The following LRP2 variants were observed in gnomAD, a reference collection of about 807,000 sequenced individuals.
LRP2 encodes the protein LDL receptor related protein 2.
LRP2 carries 172 observed loss-of-function variants against 531.0 expected under a neutral mutation model. That is an observed-to-expected ratio of 0.32 (90% CI 0.29 to 0.37). LRP2 has a LOEUF of 0.37. Among genes scored for constraint, LRP2 ranks in the 10% least tolerant of loss-of-function variants. LRP2 has a pLI of 1.00. For synonymous variants in LRP2, 1,992 were observed against 2,027.6 expected (o/e 0.98, Z 0.47); for missense variants, 5,167 against 5,868.3 (o/e 0.88, Z 3.90).
chr2:169,225,560 C>G, intron 32 of LRP2, 107 bp from the exon 33 acceptor site: 1 of 1,308,416 alleles, frequency 7.6e-7, no homozygotes, highest in Non-Finnish European at 1.1e-6. Flanking sequence ...CTTGAACAGT[C>G]CTTACACTCA....
Position 169,240,981 on chromosome 2 carries a change from A to G in LRP2, c.4045+7T>C. On this transcript the variant is annotated splice_region_variant and intron_variant, in intron 25 of 78. Coordinates refer to ENST00000649046, the MANE Select transcript of LRP2 (RefSeq NM_004525.3). ...TATGGCCAGTAAACTGTGGTCAGGA[A>G]ACTTACTGCAAAGTGGGGACTCATC... 2 of 1,611,286 alleles carry G rather than the reference A, an allele frequency of 1.2e-6. No homozygotes were observed. Among genetic ancestry groups the G allele is most frequent in the East Asian group, 4.5e-5 (2 of 44,884 alleles).
chr2:169,176,282 T>C, intron 54 of LRP2, 129 bp downstream of exon 54: 1 of 991,046 alleles, frequency 1.0e-6, no homozygotes, highest in Non-Finnish European at 1.6e-6. Context: ...TCTTGCTGTG[T>C]TCCACATGAA....
intron 14 of LRP2, among the ~76,000 whole-genome samples, chr2:169,274,626 A>G (rs755715595): frequency 1.3e-5 from 2 of 152,136 alleles, no homozygotes; most frequent in Non-Finnish European, 2.9e-5. Flanking sequence ...ATGCTACCGA[A>G]AATGGACACT....
intron 27 of LRP2, 122 bp downstream of exon 27, chr2:169,237,969 G>A (rs758081549): frequency 2.5e-6 from 2 of 803,426 alleles, no homozygotes; most frequent in Non-Finnish European, 4.3e-6. Flanking sequence ...GTATGATGTG[G>A]CCCAGAAGGT....
intron 11 of LRP2, among the ~76,000 whole-genome samples, chr2:169,280,064 C>T (rs1312966056): frequency 6.6e-6 from 1 of 152,202 alleles, no homozygotes; most frequent in African/African-American, 2.4e-5. Flanking sequence ...TACCAAATAT[C>T]TATCCAGTTT....
intron 57 of LRP2, among the ~76,000 whole-genome samples, chr2:169,172,878 G>T (rs1430226765): frequency 6.6e-6 from 1 of 152,146 alleles, no homozygotes; most frequent in East Asian, 1.9e-4. Flanking sequence ...CTTCCTCAAT[G>T]ACAGCATGAC....
chr2:169,275,404 C>G, intron 13 of LRP2, 166 bp from the exon 14 acceptor site: 1 of 626,900 alleles, frequency 1.6e-6, no homozygotes, highest in South Asian at 1.9e-5. Context: ...TTTCCATCTA[C>G]ATATGATAGA....
At chr2:169,218,293 T>TC (rs1688867486) in intron 34 of LRP2, among the ~76,000 whole-genome samples, 1 of 152,134 alleles carries the variant, frequency 6.6e-6, no homozygotes, top group South Asian at 2.1e-4. Context: ...CTCTTGACCT[T>TC]CCATCCTTCA....
chr2:169,306,090 T>A (rs184876327), intron 4 of LRP2, among the ~76,000 whole-genome samples: 1 of 152,078 alleles, frequency 6.6e-6, no homozygotes, highest in Non-Finnish European at 1.5e-5. Flanking sequence ...TATATCTTTA[T>A]ACAGCACATA....
intron 44 of LRP2, among the ~76,000 whole-genome samples, chr2:169,199,838 T>C (rs1228212434): frequency 2.0e-5 from 3 of 152,298 alleles, no homozygotes; most frequent in South Asian, 2.1e-4. Context: ...GAAATTACTA[T>C]ATAATAAAAC....
At chr2:169,344,770 A>G (rs991659608) in intron 1 of LRP2, among the ~76,000 whole-genome samples, 2 of 152,146 alleles carry the variant, frequency 1.3e-5, no homozygotes, top group African/African-American at 2.4e-5. Context: ...CCCACCCCCA[A>G]CTACTGCTCT....
At chr2:169,279,174 T>G (rs999982187) in intron 12 of LRP2, among the ~76,000 whole-genome samples, 198 bp downstream of exon 12, 1 of 152,200 alleles carries the variant, frequency 6.6e-6, no homozygotes, top group Non-Finnish European at 1.5e-5. Flanking sequence ...TTGGGTAACA[T>G]GTCCTCAAAT....
intron 7 of LRP2, 109 bp from the exon 8 acceptor site, chr2:169,291,106 T>A: frequency 1.1e-6 from 1 of 919,186 alleles, no homozygotes; most frequent in Non-Finnish European, 1.7e-6. Flanking sequence ...GAGAAATCTA[T>A]AAATGATCTA....
intron 9 of LRP2, among the ~76,000 whole-genome samples, chr2:169,285,955 G>A (rs970244965): frequency 9.9e-5 from 15 of 152,266 alleles, no homozygotes; most frequent in South Asian, 2.1e-4. Context: ...TGTGTAATGC[G>A]TCAGCCATGC....
At chr2:169,301,084 A>T (rs1684274756) in intron 4 of LRP2, among the ~76,000 whole-genome samples, 1 of 152,184 alleles carries the variant, frequency 6.6e-6, no homozygotes, top group South Asian at 2.1e-4. Context: ...CCTTCATTGT[A>T]ACAGGGATTT....
At chr2:169,330,636 A>G (rs1010165505) in intron 1 of LRP2, among the ~76,000 whole-genome samples, 4 of 152,188 alleles carry the variant, frequency 2.6e-5, no homozygotes, top group African/African-American at 9.7e-5. Context: ...ATCTTGCAGA[A>G]CTGTCCTGGT....
intron 72 of LRP2, among the ~76,000 whole-genome samples, chr2:169,140,006 ATCT>A (rs375572969): frequency 2.0e-5 from 3 of 152,218 alleles, no homozygotes; most frequent in African/African-American, 4.8e-5. Flanking sequence ...CAACACAGTC[ATCT>A]TCTTTCCGAA....
At chr2:169,208,081 A>G (rs1688459441) in intron 38 of LRP2, among the ~76,000 whole-genome samples, 1 of 152,186 alleles carries the variant, frequency 6.6e-6, no homozygotes, top group South Asian at 2.1e-4. Flanking sequence ...CCTTTAATCC[A>G]GGGTTGGCAA....
chr2:169,147,870 T>C (rs140727292), intron 68 of LRP2, among the ~76,000 whole-genome samples: 66 of 152,202 alleles, frequency 4.3e-4, no homozygotes, highest in African/African-American at 1.6e-3. Context: ...TGTAATCCGC[T>C]CCTCTGATTT....
Sources: gnomAD v4.1 joint callset for allele counts (sites outside exome capture counted in the v4.1 genomes callset) on GRCh38, gnomAD v4.1.1 for gene constraint, MANE v1.5 for transcripts, NCBI Gene and HGNC (gene_info 2026-07-23, HGNC 2026-07-21) for gene names.